DGCR2: variants seen among roughly 807,000 people sequenced by gnomAD.
DGCR2 encodes DiGeorge syndrome critical region gene 2.
DGCR2 carries 24 observed loss-of-function variants against 51.6 expected under a neutral mutation model. The ratio of observed to expected loss-of-function variants is 0.47; its 90% CI spans 0.34 to 0.65. The LOEUF is 0.65. Ranked by LOEUF, DGCR2 falls within the 30% of genes least tolerant of loss-of-function variation. DGCR2 has a pLI of 0.01. For missense variants in DGCR2, 765 were observed against 772.1 expected (o/e 0.99, Z 0.11); for synonymous variants, 340 against 315.4 (o/e 1.08, Z -0.82).
In DGCR2 at chr22:19,038,808, C is replaced by A. The variant is rs988220386; in HGVS notation, c.*57G>T. 1.3e-6 allele frequency: 2 copies of A among 1,578,940 alleles called. No homozygotes were observed. The highest frequency in any genetic ancestry group is 2.3e-5 in the South Asian group (2 of 86,854). On this transcript the variant is annotated 3_prime_UTR_variant, in exon 10 of 10. Transcript: ENST00000263196. Reference sequence around the variant, plus strand: ...GGGCCTTTCAAGTCTCCCCAGGGACCGGTGTTTTCTACAACAGACAGGTGC... The same window carrying A: ...GGGCCTTTCAAGTCTCCCCAGGGACAGGTGTTTTCTACAACAGACAGGTGC...
intron 2 of DGCR2, among the ~76,000 whole-genome samples, chr22:19,084,259 C>G (rs1338062186): frequency 1.3e-5 from 2 of 151,912 alleles, no homozygotes; most frequent in Non-Finnish European, 2.9e-5. Context: ...TGTCGCCATC[C>G]CATCTAGGAA....
rs373660691 is a variant in DGCR2 at position 19,122,201 on chromosome 22, C to G, written c.6G>C (p.Val2=). 1 of 1,507,286 alleles carries G rather than the reference C, an allele frequency of 6.6e-7. No homozygotes were observed. Among genetic ancestry groups the G allele is most frequent in the Non-Finnish European group, 8.9e-7 (1 of 1,126,878 alleles). 93.4% of individuals were successfully genotyped at this position (1,507,286 alleles called of 1,614,324 possible). ...GGAAGGCGCCGCTGTCTGCCTTGGG[C>G]ACCATTTATCCTCCGTTCATCGTCC... M[V]PKADSGAFLL... is the part of the protein sequence containing the mutation. Residue 2 remains valine (V), a synonymous_variant, in exon 1 of 10, where the codon GTG becomes GTC. Coordinates refer to ENST00000263196, the MANE Select transcript of DGCR2 (RefSeq NM_005137.3).
At chr22:19,073,286 G>A (rs372310834) in intron 2 of DGCR2, among the ~76,000 whole-genome samples, 1 of 143,568 alleles carries the variant, frequency 7.0e-6, no homozygotes, top group African/African-American at 2.4e-5. Context: ...CTGAATACAT[G>A]ACAGCAAACA....
At chr22:19,062,960 AG>A (rs2082699786) in intron 5 of DGCR2, among the ~76,000 whole-genome samples, 1 of 152,120 alleles carries the variant, frequency 6.6e-6, no homozygotes, top group Non-Finnish European at 1.5e-5. Flanking sequence ...GGGACAATCT[AG>A]AAAGCTGGCC....
chr22:19,091,982 A>G (rs1380417531), intron 1 of DGCR2, among the ~76,000 whole-genome samples: 2 of 152,168 alleles, frequency 1.3e-5, no homozygotes, highest in African/African-American at 4.8e-5. Context: ...AAGAAAAACA[A>G]AAGTTGTTTT....
chr22:19,113,827 G>A (rs2083343473), intron 1 of DGCR2, among the ~76,000 whole-genome samples: 1 of 152,146 alleles, frequency 6.6e-6, no homozygotes, highest in Non-Finnish European at 1.5e-5. Context: ...GGGAGGCCAA[G>A]GCAGACGGAT....
intron 8 of DGCR2, 24 bp downstream of exon 8, chr22:19,041,783 T>A: frequency 6.2e-7 from 1 of 1,606,672 alleles, no homozygotes; most frequent in Non-Finnish European, 8.5e-7. Flanking sequence ...GGGACCAGGG[T>A]TGTGGCCCTC....
intron 1 of DGCR2, among the ~76,000 whole-genome samples, chr22:19,100,935 T>C (rs1406665253): frequency 6.6e-6 from 1 of 151,276 alleles, no homozygotes; most frequent in African/African-American, 2.4e-5. Flanking sequence ...TGAAACCCTG[T>C]ATCTACCAAA....
intron 1 of DGCR2, 152 bp downstream of exon 1, chr22:19,121,974 CAG>C (rs1299456526): frequency 2.8e-5 from 10 of 355,736 alleles, no homozygotes; most frequent in South Asian, 1.3e-4. Context: ...CAGGCGTCCG[CAG>C]AGAGTGCCAG....
At position 19,065,016 on chromosome 22, in the gene DGCR2, C is replaced by T; in HGVS notation, c.380G>A (p.Ser127Asn). The T allele has an allele frequency of 6.2e-7, 1 of 1,614,090 alleles. No individual in the cohort carries two copies. The highest frequency in any genetic ancestry group is 2.2e-5 in the East Asian group (1 of 44,886). Residue 127 changes from serine to asparagine, a missense_variant, in exon 4 of 10, where the codon AGC becomes AAC. By Grantham distance (46) the Ser-to-Asn change is conservative. Coordinates refer to ENST00000263196, the MANE Select transcript of DGCR2 (RefSeq NM_005137.3). The stretch of plus-strand genomic sequence containing the variant: ...CCCGCTCAGGTAGACCCGGTAGCAG[C>T]TGGCCGTGCCTTCGTAGTGGTGCCA... ...TGWHHYEGTA[S>N]CYRVYLSGEN...
chr22:19,115,727 C>T (rs760556212), intron 1 of DGCR2, among the ~76,000 whole-genome samples: 14 of 152,240 alleles, frequency 9.2e-5, no homozygotes, highest in Admixed American at 2.0e-4. Flanking sequence ...CTGTCCAAAG[C>T]ACCATGGCTG....
intron 6 of DGCR2, among the ~76,000 whole-genome samples, chr22:19,053,573 AGGCCTAGT>A (rs1270662198): frequency 6.6e-6 from 1 of 152,202 alleles, no homozygotes; most frequent in Non-Finnish European, 1.5e-5. Context: ...CCCACAAGAA[AGGCCTAGT>A]GGAAGTAAAG....
At chr22:19,088,791 G>A (rs2083045658) in intron 2 of DGCR2, among the ~76,000 whole-genome samples, 1 of 152,162 alleles carries the variant, frequency 6.6e-6, no homozygotes, top group Non-Finnish European at 1.5e-5. Flanking sequence ...TGTTATTCAT[G>A]GGGTGCCCTG....
At chr22:19,066,071 A>C (rs2082745072) in intron 3 of DGCR2, among the ~76,000 whole-genome samples, 1 of 152,206 alleles carries the variant, frequency 6.6e-6, no homozygotes, top group Non-Finnish European at 1.5e-5. Context: ...TGAAGGGTAC[A>C]CCTGAGTGTG....
intron 7 of DGCR2, chr22:19,046,788 T>C (rs1316408357): frequency 2.3e-6 from 1 of 437,764 alleles, no homozygotes. Flanking sequence ...GCAGCTGCTC[T>C]GGGCCCACCC....
chr22:19,080,598 G>C (rs917548635), intron 2 of DGCR2, among the ~76,000 whole-genome samples: 5 of 152,182 alleles, frequency 3.3e-5, no homozygotes, highest in Admixed American at 6.5e-5. Context: ...AGCACTTTGG[G>C]AGGCTGGGGG....
At chr22:19,064,175 G>A (rs561720575) in intron 4 of DGCR2, among the ~76,000 whole-genome samples, 3 of 152,342 alleles carry the variant, frequency 2.0e-5, no homozygotes, top group South Asian at 2.1e-4. Flanking sequence ...AGGAGCCCAG[G>A]GATGGCACAC....
At chr22:19,076,469 A>G (rs139381796) in intron 2 of DGCR2, among the ~76,000 whole-genome samples, 4 of 151,676 alleles carry the variant, frequency 2.6e-5, no homozygotes, top group African/African-American at 9.7e-5. Flanking sequence ...CCGGCAGGTA[A>G]TTCTACTTTT....
At chr22:19,065,377 A>C (rs563893460) in intron 3 of DGCR2, among the ~76,000 whole-genome samples, 1 of 152,348 alleles carries the variant, frequency 6.6e-6, no homozygotes, top group Non-Finnish European at 1.5e-5. Context: ...CTCTGGGTTA[A>C]CAACACAGCA....
Sources: gnomAD v4.1 joint callset for allele counts (sites outside exome capture counted in the v4.1 genomes callset) on GRCh38, gnomAD v4.1.1 for gene constraint, MANE v1.5 for transcripts, NCBI Gene and HGNC (gene_info 2026-07-23, HGNC 2026-07-21) for gene names.